The following CHI3L2 variants were observed in gnomAD, a reference collection of about 807,000 sequenced individuals.
CHI3L2 encodes chitinase 3 like 2, also known as chitinase-3-like protein 2.
A neutral mutation model predicts 47.3 loss-of-function variants in CHI3L2; 47 were observed. The observed-to-expected ratio is 0.99, with a 90% CI of 0.79 to 1.27. The LOEUF (loss-of-function observed/expected upper bound fraction) is 1.27. Ranked by LOEUF, CHI3L2 falls within the 50% of genes most tolerant of loss-of-function variation. CHI3L2 has a pLI of 0.00. For synonymous variants in CHI3L2, 198 were observed against 169.9 expected, an observed-to-expected ratio of 1.17 and a Z score of -1.28; for missense variants, 497 against 462.1, an observed-to-expected ratio of 1.08 and a Z score of -0.69.
rs763541354 is a variant in CHI3L2, at chr1:111,242,358, C to T, written c.1167C>T (p.Ser389=). The change falls in exon 10 of 11, where the codon TCC becomes TCT. Residue 389 remains serine, a synonymous_variant. Transcript: ENST00000369748. The part of the protein sequence containing the change: ...LVQAVKRSLG[S]L The stretch of plus-strand genomic sequence containing the variant: ...AAGCAGTCAAGAGAAGCCTTGGCTC[C>T]CTGTGAAGGTAACAGTCCAGGCTGG... The T allele has an allele frequency of 1.8e-5, 29 of 1,605,834 alleles. No individual in the cohort carries two copies. Among genetic ancestry groups the T allele is most frequent in the Middle Eastern group, 1.7e-4 (1 of 5,916 alleles).
In CHI3L2 at chr1:111,231,278, C is replaced by T; in HGVS notation, c.313C>T (p.Leu105=). 6.2e-7 allele frequency: 1 copy of T among 1,610,608 alleles called. No homozygotes were observed. Among genetic ancestry groups the T allele is most frequent in the Non-Finnish European group, 8.5e-7 (1 of 1,177,082 alleles). ...LKILLSIGGY[L]FGSKGFHPMV... ...AATTCTCTTGTCCATTGGAGGGTAC[C>T]TGTTTGGTTCCAAAGGGTAAGACTA... Residue 105 remains leucine, a synonymous_variant, in exon 4 of 11, where the codon CTG becomes TTG. Transcript: ENST00000369748.
intron 7 of CHI3L2, among the ~76,000 whole-genome samples, chr1:111,236,654 T>A (rs1659896321): frequency 2.0e-5 from 3 of 149,784 alleles, no homozygotes; most frequent in Non-Finnish European, 4.5e-5. Flanking sequence ...AAATGAAAAG[T>A]AAAAAAAAAA....
At chr1:111,240,086 G>A (rs1660002485) in intron 8 of CHI3L2, among the ~76,000 whole-genome samples, 1 of 152,164 alleles carries the variant, frequency 6.6e-6, no homozygotes, top group African/African-American at 2.4e-5. Context: ...AAGAGGAGAA[G>A]TTTATGCTGG....
rs1659696586 is a variant in CHI3L2 at position 111,230,872 on chromosome 1, AAAC to A, written c.207_209del (p.Asn69del). 6.2e-7 allele frequency: 1 copy of A among 1,614,178 alleles called. No individual in the cohort carries two copies. Among genetic ancestry groups the A allele is most frequent in the Non-Finnish European group, 8.5e-7 (1 of 1,180,040 alleles). ...TCATCTATTCATTCGCCAGCATCGA[AAAC>A]AACAAGGTTATCATCAAGGACAAGA... On this transcript the variant is annotated inframe_deletion, in exon 3 of 11. Coordinates refer to ENST00000369748, the MANE Select transcript of CHI3L2 (RefSeq NM_004000.3).
chr1:111,243,102 CT>C (rs1266019048), intron 10 of CHI3L2, 114 bp from the exon 11 acceptor site: 1 of 452,556 alleles, frequency 2.2e-6, no homozygotes, highest in African/African-American at 2.0e-5. Context: ...TTGAAAACTC[CT>C]GATTAGATAA....
intron 4 of CHI3L2, among the ~76,000 whole-genome samples, chr1:111,232,131 T>C (rs2101547033): frequency 6.6e-6 from 1 of 152,322 alleles, no homozygotes; most frequent in African/African-American, 2.4e-5. Context: ...GAAGAAGTAG[T>C]GTTAGAAGAC....
chr1:111,238,634 C>A, intron 7 of CHI3L2, 116 bp from the exon 8 acceptor site: 1 of 1,058,746 alleles, frequency 9.4e-7, no homozygotes, highest in Non-Finnish European at 1.4e-6. Flanking sequence ...TGTTCACACT[C>A]GGATGTAGAA....
In CHI3L2 at chr1:111,236,166, G is replaced by A; in HGVS notation, c.735+13G>A. ...CTACTACAATGTGGTGAGTAGGCCA[G>A]GGGAACCGCAGGGGTACTGGCTGTG... is the stretch of plus-strand genomic sequence containing the variant. On this transcript the variant is annotated intron_variant, in intron 7 of 10. Transcript: ENST00000369748. 1 of 1,613,878 alleles carries A rather than the reference G, an allele frequency of 6.2e-7. No homozygotes were observed. The highest frequency in any genetic ancestry group is 2.2e-5 in the East Asian group (1 of 44,882).
intron 3 of CHI3L2, 46 bp downstream of exon 3, chr1:111,230,989 G>A: frequency 6.7e-7 from 1 of 1,501,512 alleles, no homozygotes. Context: ...TTTTAGAGGA[G>A]GGAAGCTGGT....
At position 111,235,627 on chromosome 1, in the gene CHI3L2, T is replaced by A; in HGVS notation, c.481-12T>A. On this transcript the variant is annotated splice_polypyrimidine_tract_variant and intron_variant, in intron 5 of 10. Transcript: ENST00000369748. ...AGGGGAATATTGCACCTCGTTTCTT[T>A]GTTTTTCCTAGGAGTTAGCAGAAGC... 1 of 1,611,918 alleles carries A rather than the reference T, an allele frequency of 6.2e-7. No homozygotes were observed. The highest frequency in any genetic ancestry group is 8.5e-7 in the Non-Finnish European group (1 of 1,179,160).
At chr1:111,238,602 C>A in intron 7 of CHI3L2, 148 bp from the exon 8 acceptor site, 1 of 717,320 alleles carries the variant, frequency 1.4e-6, no homozygotes, top group Non-Finnish European at 2.3e-6. Flanking sequence ...ACAACAAGCA[C>A]TCTGGTCCGG....
intron 4 of CHI3L2, among the ~76,000 whole-genome samples, chr1:111,232,799 G>A (rs555403728): frequency 6.6e-6 from 1 of 152,272 alleles, no homozygotes; most frequent in Non-Finnish European, 1.5e-5. Flanking sequence ...TCCTAAAATT[G>A]GAGGCATCTG....
rs369615687 is a variant in CHI3L2 at position 111,235,759 on chromosome 1, G to T, written c.601G>T (p.Ala201Ser). 41 of 1,613,486 alleles carry T rather than the reference G, an allele frequency of 2.5e-5. No individual in the cohort carries two copies. Among genetic ancestry groups the T allele is most frequent in the Non-Finnish European group, 3.3e-5 (39 of 1,179,744 alleles). The stretch of plus-strand genomic sequence containing the variant: ...TAACAGCTATCAAGTTGAGAAACTG[G>T]CAAAGTGAGTACATCAGAGCAACTT... Reference protein sequence around the residue: ...IDNSYQVEKLAKDLDFINLLS... With the variant: ...IDNSYQVEKLSKDLDFINLLS... The change falls in exon 6 of 11, where the codon GCA becomes TCA. Residue 201 changes from alanine (A) to serine (S), a missense_variant. By Grantham distance (99) the Ala-to-Ser change is moderately conservative (BLOSUM62 1). Transcript: ENST00000369748.
At chr1:111,239,845 G>A (rs953501991) in intron 8 of CHI3L2, among the ~76,000 whole-genome samples, 3 of 152,234 alleles carry the variant, frequency 2.0e-5, no homozygotes, top group South Asian at 2.1e-4. Context: ...ACTGGGTACT[G>A]TGAAAGCTAG....
At position 111,242,252 on chromosome 1, in the gene CHI3L2, T is replaced by C. The variant is rs1212150566; in HGVS notation, c.1061T>C (p.Leu354Pro). 6.8e-6 allele frequency: 11 copies of C among 1,614,064 alleles called. 1 individual carries two copies. In the South Asian group the frequency reaches 1.2e-4, roughly 18 times the overall value. ...GTTCAGTTCTTAAAGAATTTAAACC[T>C]GGGAGGAGCCATGATCTGGTCTATT... ...TKVQFLKNLN[L>P]GGAMIWSIDM... The change falls in exon 10 of 11, where the codon CTG becomes CCG. Residue 354 changes from leucine to proline, a missense_variant. Physicochemically the swap from Leu to Pro is moderately conservative, Grantham distance 98. Transcript: ENST00000369748.
intron 1 of CHI3L2, among the ~76,000 whole-genome samples, chr1:111,228,490 G>A (rs1278187199): frequency 1.3e-5 from 2 of 152,214 alleles, no homozygotes; most frequent in Non-Finnish European, 2.9e-5. Context: ...CCCTTGACAG[G>A]GTAGAGCCCG....
chr1:111,235,651 GC>G lies in CHI3L2; in HGVS notation c.495del (p.Gln167ArgfsTer14). 1 of 1,614,062 alleles carries G rather than the reference GC, an allele frequency of 6.2e-7. No individual in the cohort carries two copies. Among genetic ancestry groups the G allele is most frequent in the Non-Finnish European group, 8.5e-7 (1 of 1,179,976 alleles). On this transcript the variant is annotated frameshift_variant, in exon 6 of 11. Coordinates refer to ENST00000369748, the MANE Select transcript of CHI3L2 (RefSeq NM_004000.3). LOFTEE classifies it high-confidence loss of function. ...TTGTTTTTCCTAGGAGTTAGCAGAA[GC>G]CTTTCAGAAGGACTTCACAAAATCC... ...FTVLIHELAE[A>X]FQKDFTKSTK...
rs141033726 is a variant in CHI3L2, at chr1:111,230,846, C to T, written c.175C>T (p.Leu59Phe). 2.9e-5 allele frequency: 47 copies of T among 1,614,074 alleles called. No individual in the cohort carries two copies. The East Asian group carries it at 5.1e-4, about 18-fold the overall frequency. ...TATTGACCCCTTCCTATGCTCTCAT[C>T]TCATCTATTCATTCGCCAGCATCGA... ...ENIDPFLCSH[L>F]IYSFASIENN... Residue 59 changes from leucine to phenylalanine, a missense_variant, in exon 3 of 11, where the codon CTC becomes TTC. Leu to Phe is a conservative substitution (Grantham distance 22). Coordinates refer to ENST00000369748, the MANE Select transcript of CHI3L2 (RefSeq NM_004000.3).
intron 10 of CHI3L2, 128 bp downstream of exon 10, chr1:111,242,494 GT>G: frequency 9.6e-7 from 1 of 1,036,790 alleles, no homozygotes. Flanking sequence ...CTTCTGCCAT[GT>G]TTTCTTAGCA....
Sources: allele counts gnomAD v4.1 joint callset (sites outside exome capture counted in the v4.1 genomes callset), GRCh38; gene constraint gnomAD v4.1.1; transcripts MANE v1.5; gene names NCBI Gene and HGNC (gene_info 2026-07-23, HGNC 2026-07-21).